The following CLMN variants were observed in gnomAD, a reference collection of about 807,000 sequenced individuals.
CLMN encodes calmin.
CLMN carries 57 observed loss-of-function variants against 92.7 expected under a neutral mutation model. The observed-to-expected ratio is 0.61, with a 90% CI of 0.50 to 0.77. CLMN has a LOEUF of 0.77. CLMN is among the 30% of genes least tolerant of loss of function. The pLI is 0.00. For synonymous variants in CLMN, 466 were observed against 470.6 expected, an observed-to-expected ratio of 0.99 and a Z score of 0.13; for missense variants, 1,158 against 1,237.5, an observed-to-expected ratio of 0.94 and a Z score of 0.96.
chr14:95,244,846 G>T (rs570338707), intron 1 of CLMN, among the ~76,000 whole-genome samples: 134 of 151,804 alleles, frequency 8.8e-4, no homozygotes, highest in African/African-American at 3.0e-3. Flanking sequence ...CTTCCAATGG[G>T]GGCTGCTGCA....
rs967587858 is a variant in CLMN at position 95,308,685 on chromosome 14, C to T, written c.82+11026G>A. On this transcript the variant is annotated intron_variant, in intron 1 of 12. Coordinates refer to ENST00000298912, the MANE Select transcript of CLMN (RefSeq NM_024734.4). ...CACACTCCCCATGATCGCATCAGTGCCCTATAACCAATAAAGGCAGTCCCT... is the reference window on the plus strand; with the variant it reads ...CACACTCCCCATGATCGCATCAGTGTCCTATAACCAATAAAGGCAGTCCCT... Among the ~76,000 whole-genome samples the T allele has an allele frequency of 5.4e-5, 8 of 147,142 alleles. No homozygotes were observed. In the South Asian group the frequency reaches 1.8e-3, roughly 33 times the overall value.
Position 95,215,508 on chromosome 14 carries a change from CA to C in CLMN, c.417+132del. Reference sequence around the variant, plus strand: ...CAACCAGATTCTTCTAGTGCTTTTTCAGTGAGTAGAAAAGATAAAATCTGCC... The same window carrying C: ...CAACCAGATTCTTCTAGTGCTTTTTCGTGAGTAGAAAAGATAAAATCTGCC... On this transcript the variant is annotated intron_variant, in intron 5 of 12. Transcript: ENST00000298912. 5 of 708,200 alleles carry C rather than the reference CA, an allele frequency of 7.1e-6. No individual in the cohort carries two copies. In the Middle Eastern group the frequency reaches 1.1e-3, roughly 157 times the overall value. 43.9% of individuals were successfully genotyped at this position (708,200 alleles called of 1,614,324 possible).
chr14:95,279,284 G>A (rs1900052197), intron 1 of CLMN, among the ~76,000 whole-genome samples: 1 of 152,168 alleles, frequency 6.6e-6, no homozygotes, highest in Non-Finnish European at 1.5e-5. Flanking sequence ...AATTATGCAG[G>A]TCAGATATTA....
At chr14:95,211,472 C>G (rs1333509056) in intron 6 of CLMN, among the ~76,000 whole-genome samples, 1 of 152,030 alleles carries the variant, frequency 6.6e-6, no homozygotes, top group Non-Finnish European at 1.5e-5. Flanking sequence ...ATAAAAGCAC[C>G]ATTGTAAAAG....
intron 4 of CLMN, among the ~76,000 whole-genome samples, chr14:95,218,661 ACGCT>A (rs1490430523): frequency 4.6e-5 from 7 of 152,050 alleles, no homozygotes; most frequent in Non-Finnish European, 7.4e-5. Flanking sequence ...TGCATCTGAA[ACGCT>A]CGTTTCCACC....
chr14:95,236,617 C>T (rs1335968260), intron 1 of CLMN, among the ~76,000 whole-genome samples: 1 of 152,190 alleles, frequency 6.6e-6, no homozygotes, highest in Non-Finnish European at 1.5e-5. Flanking sequence ...GGCAACACTG[C>T]CAGGGGCAGA....
At chr14:95,243,360 T>C (rs1201355388) in intron 1 of CLMN, among the ~76,000 whole-genome samples, 1 of 152,180 alleles carries the variant, frequency 6.6e-6, no homozygotes, top group Non-Finnish European at 1.5e-5. Flanking sequence ...CTGTGGGAAC[T>C]AGAAAAGGCA....
chr14:95,200,664 C>T (rs1896852893), intron 9 of CLMN, among the ~76,000 whole-genome samples: 1 of 152,230 alleles, frequency 6.6e-6, no homozygotes, highest in African/African-American at 2.4e-5. Context: ...ACTCCAGTGG[C>T]CCTTTGTGAG....
intron 9 of CLMN, 68 bp from the exon 10 acceptor site, chr14:95,196,762 C>G: frequency 6.7e-7 from 1 of 1,491,092 alleles, no homozygotes; most frequent in Non-Finnish European, 9.1e-7. Context: ...TGACATCACC[C>G]AGCAGTGCTC....
chr14:95,274,975 T>C (rs1317243394), intron 1 of CLMN, among the ~76,000 whole-genome samples: 1 of 129,110 alleles, frequency 7.7e-6, no homozygotes, highest in African/African-American at 3.3e-5. Context: ...CAACACTCTG[T>C]CTCAAAAAAA....
chr14:95,289,604 TAAC>T (rs1285322637), intron 1 of CLMN, among the ~76,000 whole-genome samples: 1 of 152,130 alleles, frequency 6.6e-6, no homozygotes, highest in Non-Finnish European at 1.5e-5. Flanking sequence ...AAAGGGTTGA[TAAC>T]AAAGACCTGG....
intron 1 of CLMN, among the ~76,000 whole-genome samples, chr14:95,254,063 T>C (rs1898898750): frequency 6.6e-6 from 1 of 152,166 alleles, no homozygotes; most frequent in Admixed American, 6.5e-5. Context: ...GGAAAGGGCC[T>C]GGGGTCCCCT....
Position 95,204,161 on chromosome 14 carries a change from G to T in CLMN, c.1188C>A (p.Ser396Arg). Residue 396 changes from serine to arginine, a missense_variant, in exon 9 of 13, where the codon AGC (serine) becomes AGA (arginine). Transcript: ENST00000298912. ...ATTCTGGAGATGGCTCACTGATGTC[G>T]CTGGTCTTACCTGGGCCCCCTTGCA... ...QVLQGGPGKTSDISEPSPESS... is the reference protein window; with the variant it reads ...QVLQGGPGKTRDISEPSPESS... The T allele has an allele frequency of 6.2e-7, 1 of 1,614,092 alleles. No individual in the cohort carries two copies.
chr14:95,265,649 T>A (rs916092024), intron 1 of CLMN, among the ~76,000 whole-genome samples: 26 of 152,192 alleles, frequency 1.7e-4, no homozygotes, highest in Non-Finnish European at 3.7e-4. Context: ...TGCCCAACCA[T>A]ATCAATTTCT....
chr14:95,216,358 A>G (rs1897345399), intron 4 of CLMN, among the ~76,000 whole-genome samples: 1 of 152,228 alleles, frequency 6.6e-6, no homozygotes, highest in Non-Finnish European at 1.5e-5. Flanking sequence ...ATTCAAGGTG[A>G]GATTTGGGTG....
intron 7 of CLMN, among the ~76,000 whole-genome samples, chr14:95,209,912 C>T (rs2140589281): frequency 1.3e-5 from 2 of 152,314 alleles, no homozygotes; most frequent in South Asian, 4.1e-4. Context: ...TGTCATTCTG[C>T]TAATGAAACC....
intron 1 of CLMN, among the ~76,000 whole-genome samples, chr14:95,245,234 T>TA (rs1898475007): frequency 2.9e-5 from 1 of 34,704 alleles, no homozygotes; most frequent in African/African-American, 1.8e-4. Flanking sequence ...ATTATATATA[T>TA]ATATTATATA....
rs567191244 is a variant in CLMN at position 95,294,414 on chromosome 14, G to A, written c.82+25297C>T. On this transcript the variant is annotated intron_variant, in intron 1 of 12. Transcript: ENST00000298912. The surrounding 1 kb of genome is among the most constrained non-coding windows in gnomAD (Gnocchi z 4.2). ...AGGGCTGGGGGCAGAACGTGTGCTT[G>A]TCTGGCATGCACGGGGCAGGCCTTG... Among the ~76,000 whole-genome samples, 3 of 152,344 alleles carry A rather than the reference G, an allele frequency of 2.0e-5. No individual in the cohort carries two copies. The highest frequency in any genetic ancestry group is 7.2e-5 in the African/African-American group (3 of 41,578).
chr14:95,300,016 A>C (rs1239849602), intron 1 of CLMN, among the ~76,000 whole-genome samples: 1 of 152,262 alleles, frequency 6.6e-6, no homozygotes, highest in Non-Finnish European at 1.5e-5. Context: ...TATCCTGCGG[A>C]AATTTCACCC....
Sources: gnomAD v4.1 joint callset for allele counts (sites outside exome capture counted in the v4.1 genomes callset) on GRCh38, gnomAD v4.1.1 for gene constraint, Gnocchi (gnomAD v3.1) non-coding constraint, MANE v1.5 for transcripts, NCBI Gene and HGNC (gene_info 2026-07-23, HGNC 2026-07-21) for gene names.